CNTNAP2: variants seen among roughly 807,000 people sequenced by gnomAD.
CNTNAP2 encodes the protein contactin associated protein 2.
Under a neutral mutation model 155.2 loss-of-function variants are expected in CNTNAP2, and 98 were observed. The ratio of observed to expected loss-of-function variants is 0.63; its 90% CI spans 0.54 to 0.75. CNTNAP2 has a LOEUF of 0.75. Ranked by LOEUF, CNTNAP2 falls within the 30% of genes least tolerant of loss-of-function variation. CNTNAP2 has a pLI of 0.00. For synonymous variants in CNTNAP2, 651 were observed against 631.2 expected, an observed-to-expected ratio of 1.03 and a Z score of -0.47; for missense variants, 1,727 against 1,688.1, an observed-to-expected ratio of 1.02 and a Z score of -0.40.
At chr7:146,876,264 C>T (rs945681868) in intron 3 of CNTNAP2, among the ~76,000 whole-genome samples, 1 of 152,062 alleles carries the variant, frequency 6.6e-6, no homozygotes, top group Non-Finnish European at 1.5e-5. Context: ...CACTGAAGGT[C>T]ATATTCTTGC....
chr7:147,604,870 C>G (rs972982265), intron 12 of CNTNAP2, among the ~76,000 whole-genome samples: 1 of 152,170 alleles, frequency 6.6e-6, no homozygotes, highest in Non-Finnish European at 1.5e-5. Flanking sequence ...CTTTGGAATT[C>G]AGATCTGCTC....
chr7:147,400,655 A>G (rs1336468471), intron 10 of CNTNAP2, among the ~76,000 whole-genome samples: 1 of 152,130 alleles, frequency 6.6e-6, no homozygotes, highest in Non-Finnish European at 1.5e-5. Flanking sequence ...CAGAGATGAG[A>G]CACAGTTCTG....
intron 1 of CNTNAP2, among the ~76,000 whole-genome samples, chr7:146,766,594 C>G (rs1386822053): frequency 6.6e-6 from 1 of 152,130 alleles, no homozygotes; most frequent in Non-Finnish European, 1.5e-5. Context: ...CTTTAATATC[C>G]TTTAGCTGTG....
At chr7:146,371,351 A>G (rs1795231056) in intron 1 of CNTNAP2, among the ~76,000 whole-genome samples, 1 of 146,350 alleles carries the variant, frequency 6.8e-6, no homozygotes, top group Non-Finnish European at 1.5e-5. Context: ...GCAATATAAT[A>G]TATGCCAGTA....
intron 12 of CNTNAP2, among the ~76,000 whole-genome samples, chr7:147,631,626 A>T (rs2116910930): frequency 6.6e-6 from 1 of 152,338 alleles, no homozygotes; most frequent in East Asian, 1.9e-4. Context: ...CTGGTGTAAA[A>T]ATAGGCAAGT....
chr7:147,825,828 A>G (rs1798437638), intron 13 of CNTNAP2, among the ~76,000 whole-genome samples: 1 of 152,164 alleles, frequency 6.6e-6, no homozygotes, highest in Non-Finnish European at 1.5e-5. Context: ...CTCTGCACTG[A>G]GGAGGCCAAG....
chr7:148,016,609 G>A (rs1802180751), intron 15 of CNTNAP2, among the ~76,000 whole-genome samples: 1 of 152,190 alleles, frequency 6.6e-6, no homozygotes, highest in Non-Finnish European at 1.5e-5. Flanking sequence ...TTCTTCTTCT[G>A]ATTACAAAAG....
intron 1 of CNTNAP2, among the ~76,000 whole-genome samples, chr7:146,762,046 T>C (rs966408452): frequency 6.6e-6 from 1 of 152,218 alleles, no homozygotes; most frequent in Admixed American, 6.5e-5. Context: ...TTACATTGTT[T>C]AAGATAAATT....
intron 1 of CNTNAP2, among the ~76,000 whole-genome samples, chr7:146,654,547 TTGTATC>T (rs1265913693): frequency 6.6e-6 from 1 of 152,164 alleles, no homozygotes; most frequent in Non-Finnish European, 1.5e-5. Flanking sequence ...ATAATATTAT[TTGTATC>T]TGTAATATAC....
intron 1 of CNTNAP2, among the ~76,000 whole-genome samples, chr7:146,413,645 C>A (rs150297237): frequency 1.3e-5 from 2 of 152,124 alleles, no homozygotes; most frequent in East Asian, 3.9e-4. Flanking sequence ...CTTCTTCTTC[C>A]TTATCTCTCT....
chr7:147,781,466 G>A lies in CNTNAP2; in HGVS notation c.2099-122099G>A, dbSNP rs111456300. 5.5e-4 allele frequency among the ~76,000 whole-genome samples: 84 copies of A among 152,262 alleles called. 1 individual carries two copies. Among genetic ancestry groups the A allele is most frequent in the African/African-American group, 1.9e-3 (80 of 41,554 alleles). On this transcript the variant is annotated intron_variant, in intron 13 of 23. Transcript: ENST00000361727. ...TGGCTAGAGCTTGGATAGTGCTGACGGGGTTCAGGAAATACTAAGGAGGAT... is the reference window on the plus strand; with the variant it reads ...TGGCTAGAGCTTGGATAGTGCTGACAGGGTTCAGGAAATACTAAGGAGGAT...
At chr7:146,535,161 T>TATATTATATCATATAGCATATATATG (rs1797834823) in intron 1 of CNTNAP2, among the ~76,000 whole-genome samples, 1 of 3,772 alleles carries the variant, frequency 2.7e-4, no homozygotes, top group African/African-American at 3.3e-3. Flanking sequence ...TATAATATAT[T>TATATTATATCATATAGCATATATATG]ATATTATATC....
At chr7:147,121,562 A>G (rs912343670) in intron 6 of CNTNAP2, 4 of 171,594 alleles carry the variant, frequency 2.3e-5, no homozygotes, top group Admixed American at 2.3e-4. Context: ...AAGAAATCTT[A>G]GTTTCTGGTT....
intron 13 of CNTNAP2, among the ~76,000 whole-genome samples, chr7:147,805,083 T>C (rs1798068312): frequency 6.6e-6 from 1 of 152,028 alleles, no homozygotes; most frequent in African/African-American, 2.4e-5. Flanking sequence ...TCATTTTTTT[T>C]TTTTTGAGAC....
intron 13 of CNTNAP2, chr7:147,672,412 T>C (rs1368324072): frequency 6.6e-6 from 1 of 152,228 alleles, no homozygotes; most frequent in Non-Finnish European, 1.5e-5. Flanking sequence ...TAAACTCTTT[T>C]CTTTCTTATA....
At chr7:147,153,413 AG>A (rs1021918017) in intron 8 of CNTNAP2, among the ~76,000 whole-genome samples, 1 of 152,130 alleles carries the variant, frequency 6.6e-6, no homozygotes, top group Non-Finnish European at 1.5e-5. Flanking sequence ...AGGGATTTGG[AG>A]TGTAGGTGGA....
chr7:146,253,162 G>A (rs1799782883), intron 1 of CNTNAP2, among the ~76,000 whole-genome samples: 1 of 152,134 alleles, frequency 6.6e-6, no homozygotes, highest in Admixed American at 6.5e-5. Context: ...CTCTGTGATT[G>A]CTAAGTACAG....
chr7:146,727,381 G>A (rs951344130), intron 1 of CNTNAP2, among the ~76,000 whole-genome samples: 1 of 152,166 alleles, frequency 6.6e-6, no homozygotes, highest in African/African-American at 2.4e-5. Context: ...CATAATCAAA[G>A]TCAGTAGTTT....
chr7:148,302,070 A>G (rs1797401478), intron 21 of CNTNAP2, among the ~76,000 whole-genome samples: 1 of 152,202 alleles, frequency 6.6e-6, no homozygotes, highest in Admixed American at 6.5e-5. Context: ...CAACAGACAC[A>G]TAAGATTCCT....
Sources: gnomAD v4.1 joint callset for allele counts (sites outside exome capture counted in the v4.1 genomes callset) on GRCh38, gnomAD v4.1.1 for gene constraint, MANE v1.5 for transcripts, NCBI Gene and HGNC (gene_info 2026-07-23, HGNC 2026-07-21) for gene names.